Variants in MUC7 observed in about 807,000 individuals in gnomAD.
The protein encoded by MUC7 is mucin-7.
MUC7 carries 2 observed loss-of-function variants against 2.5 expected under a neutral mutation model. That is an observed-to-expected ratio of 0.81 (90% CI 0.33 to 2.55). The LOEUF (loss-of-function observed/expected upper bound fraction) is 2.55. Ranked by LOEUF, MUC7 falls within the 30% of genes most tolerant of loss-of-function variation. The probability of loss-of-function intolerance (pLI) is 0.11; values close to 1 mark genes in which losing one functional copy is unlikely to be tolerated. For synonymous variants in MUC7, 133 were observed against 173.4 expected (o/e 0.77, Z 1.83); for missense variants, 408 against 455.6 (o/e 0.90, Z 0.95).
At chr4:70,469,574 A>C (rs745346240), upstream of MUC7, among the ~76,000 whole-genome samples, 385 of 152,210 alleles carry the variant, frequency 2.5e-3, 1 homozygote, top group Non-Finnish European at 3.4e-3. Context: ...AAAAGCAAAC[A>C]ACCCCATCAA....
chr4:70,445,003 TC>T (rs1271156399), intron 1 of MUC7, among the ~76,000 whole-genome samples: 32 of 152,188 alleles, frequency 2.1e-4, no homozygotes, highest in Admixed American at 2.0e-3. Flanking sequence ...ACCACTCTAC[TC>T]CAGCCTGGGT....
At chr4:70,459,558 T>C (rs1207693605) in intron 1 of MUC7, among the ~76,000 whole-genome samples, 1 of 152,126 alleles carries the variant, frequency 6.6e-6, no homozygotes. Context: ...TGGGCACATG[T>C]ACCCTAAAAC....
upstream of MUC7, among the ~76,000 whole-genome samples, chr4:70,471,455 A>G (rs147209280): frequency 2.3e-3 from 357 of 152,300 alleles, 4 homozygotes; most frequent in African/African-American, 7.9e-3. Context: ...TAATATTGTT[A>G]TAGGTTGATG....
At chr4:70,454,406 TTTG>T (rs1422416381) in intron 1 of MUC7, among the ~76,000 whole-genome samples, 1 of 152,164 alleles carries the variant, frequency 6.6e-6, no homozygotes, top group African/African-American at 2.4e-5. Flanking sequence ...TAAGCCCGGT[TTTG>T]TTTTGTGCTG....
At position 70,482,355 on chromosome 4, in the gene MUC7, T is replaced by C. The variant is rs1735225076; in HGVS notation, c.*477T>C. 6.4e-6 allele frequency: 1 copy of C among 156,004 alleles called. No individual in the cohort carries two copies. Among genetic ancestry groups the C allele is most frequent in the Admixed American group, 6.2e-5 (1 of 16,118 alleles). 9.7% of individuals were successfully genotyped at this position (156,004 alleles called of 1,614,324 possible). On this transcript the variant is annotated 3_prime_UTR_variant, in exon 3 of 3. Coordinates refer to ENST00000304887, the MANE Select transcript of MUC7 (RefSeq NM_152291.3). ...GAAACATTTATCTATCTAAATATATTGATAGACCTGTCATTGTATTGATTA... is the reference window on the plus strand; with the variant it reads ...GAAACATTTATCTATCTAAATATATCGATAGACCTGTCATTGTATTGATTA...
At chr4:70,432,326 GTC>G (rs1733694449) in intron 1 of MUC7, among the ~76,000 whole-genome samples, 1 of 152,206 alleles carries the variant, frequency 6.6e-6, no homozygotes, top group African/African-American at 2.4e-5. Context: ...TCACCACACT[GTC>G]TTCTATAATG....
intron 1 of MUC7, among the ~76,000 whole-genome samples, chr4:70,437,638 C>G (rs1205286049): frequency 6.6e-6 from 1 of 152,146 alleles, no homozygotes; most frequent in Non-Finnish European, 1.5e-5. Flanking sequence ...CATGGCTTCC[C>G]TTGGCTAGGA....
intron 1 of MUC7, among the ~76,000 whole-genome samples, chr4:70,465,630 G>A (rs1200490516): frequency 6.6e-6 from 1 of 151,956 alleles, no homozygotes; most frequent in Admixed American, 6.6e-5. Flanking sequence ...AATCGATCAA[G>A]CAAAAGAAAG....
intron 1 of MUC7, among the ~76,000 whole-genome samples, chr4:70,458,283 A>T (rs1432984017): frequency 2.0e-5 from 3 of 152,146 alleles, no homozygotes; most frequent in Non-Finnish European, 4.4e-5. Context: ...CATAATTTAA[A>T]AAAAGAAACC....
chr4:70,458,067 T>C (rs1193330695), intron 1 of MUC7, among the ~76,000 whole-genome samples: 1 of 152,106 alleles, frequency 6.6e-6, no homozygotes, highest in Non-Finnish European at 1.5e-5. Flanking sequence ...CCGATGAATA[T>C]AGATGAAACA....
chr4:70,434,907 T>G (rs1207595342), intron 1 of MUC7, among the ~76,000 whole-genome samples: 1 of 152,238 alleles, frequency 6.6e-6, no homozygotes, highest in Non-Finnish European at 1.5e-5. Flanking sequence ...GTATGTTGTG[T>G]CTTTGTTCTC....
Position 70,455,928 on chromosome 4 carries a change from C to T in MUC7, c.-92-16287C>T, listed in dbSNP as rs1019573570. On this transcript the variant is annotated intron_variant, in intron 1 of 3. Transcript: ENST00000413702. ...CTTGTGCCTCCCTATAGTACTCTTA[C>T]CCCATGTAATTTATGATTCAGTATT... 1.8e-4 allele frequency among the ~76,000 whole-genome samples: 27 copies of T among 152,254 alleles called. No homozygotes were observed. The South Asian group carries it at 2.1e-3, about 12-fold the overall frequency.
intron 1 of MUC7, among the ~76,000 whole-genome samples, chr4:70,459,752 G>C (rs974592660): frequency 2.6e-4 from 39 of 152,182 alleles, no homozygotes; most frequent in African/African-American, 9.4e-4. Flanking sequence ...CATAGTAACA[G>C]GTATAATGAA....
rs1735160640 is a variant in MUC7 at position 70,481,185 on chromosome 4, A to T, written c.441A>T (p.Thr147=). Residue 147 remains threonine, a synonymous_variant, in exon 3 of 3, where the codon ACA becomes ACT. Transcript: ENST00000304887. ...TATCTTCAAGAGAAAATGTTAACAC[A>T]AGCTCTTCTGTAGCTACATTAGCAC... ...TTISSRENVN[T]SSSVATLAPV... The T allele has an allele frequency of 6.2e-6, 10 of 1,614,060 alleles. No individual in the cohort carries two copies. In the South Asian group the frequency reaches 1.1e-4, roughly 18 times the overall value.
intron 1 of MUC7, among the ~76,000 whole-genome samples, chr4:70,465,217 G>A (rs922729402): frequency 6.6e-6 from 1 of 152,070 alleles, no homozygotes; most frequent in Admixed American, 6.5e-5. Flanking sequence ...TCAACAAAAA[G>A]GACATCCACA....
rs777284324 is a variant in MUC7 at position 70,455,771 on chromosome 4, G to A, written c.-92-16444G>A. On this transcript the variant is annotated intron_variant, in intron 1 of 3. Coordinates refer to the MUC7 transcript ENST00000413702. ...CGAGCTTTACGAAAAGATGTCACACGCCACGCCCCTCCCAACTCCGTATAC... is the reference window on the plus strand; with the variant it reads ...CGAGCTTTACGAAAAGATGTCACACACCACGCCCCTCCCAACTCCGTATAC... Among the ~76,000 whole-genome samples the A allele has an allele frequency of 1.2e-4, 19 of 152,144 alleles. No homozygotes were observed. The East Asian group carries it at 1.7e-3, about 14-fold the overall frequency.
chr4:70,469,871 C>T (rs1734786073), upstream of MUC7, among the ~76,000 whole-genome samples: 1 of 152,108 alleles, frequency 6.6e-6, no homozygotes, highest in Non-Finnish European at 1.5e-5. Flanking sequence ...GGATCTAGAA[C>T]CAGAAATATC....
chr4:70,437,869 A>G (rs1330933975), intron 1 of MUC7, among the ~76,000 whole-genome samples: 1 of 149,958 alleles, frequency 6.7e-6, no homozygotes, highest in Non-Finnish European at 1.5e-5. Context: ...GACTCCAGGG[A>G]GCTGCTTTTA....
rs138646612 is a variant in MUC7 at position 70,461,826 on chromosome 4, G to GA, written c.-92-10383dup. 8.7e-4 allele frequency among the ~76,000 whole-genome samples: 132 copies of GA among 150,940 alleles called. 2 individuals are homozygous for GA. The East Asian group carries it at 0.02, about 23-fold the overall frequency. On this transcript the variant is annotated intron_variant, in intron 1 of 3. Transcript: ENST00000413702. ...TAAAATCAAAAAAAAAAAGGAGAAA[G>GA]AAAAAATTTCCAAGCTAAAAAGAGC...
Sources: gnomAD v4.1 joint callset for allele counts (sites outside exome capture counted in the v4.1 genomes callset) on GRCh38, gnomAD v4.1.1 for gene constraint, MANE v1.5 for transcripts, NCBI Gene and HGNC (gene_info 2026-07-23, HGNC 2026-07-21) for gene names.